Variants in PPP1R3F observed in about 807,000 individuals in gnomAD.
The protein encoded by PPP1R3F is protein phosphatase 1, regulatory (inhibitor) subunit 3F.
PPP1R3F carries 29 observed loss-of-function variants against 24.2 expected under a neutral mutation model. The ratio of observed to expected loss-of-function variants is 1.20; its 90% confidence interval spans 0.89 to 1.63. PPP1R3F has a LOEUF of 1.63. Ranked by LOEUF, PPP1R3F falls within the 40% of genes most tolerant of loss-of-function variation. The pLI, the probability that PPP1R3F is intolerant of heterozygous loss-of-function variation, is 0.00. For missense variants in PPP1R3F, 823 were observed against 729.3 expected, an observed-to-expected ratio of 1.13 and a Z score of -1.48; for synonymous variants, 363 against 340.1, an observed-to-expected ratio of 1.07 and a Z score of -0.74.
intron 3 of PPP1R3F, among the ~76,000 whole-genome samples, chrX:49,293,353 G>A (rs1360693204): frequency 8.9e-6 from 1 of 112,362 alleles, no homozygotes; most frequent in Non-Finnish European, 1.9e-5. Context: ...TGTTCGATTT[G>A]CTTTTTTGCC....
At chrX:49,285,085 G>A (rs1293972896) in intron 3 of PPP1R3F, among the ~76,000 whole-genome samples, 5 of 111,164 alleles carry the variant, frequency 4.5e-5, no homozygotes, top group African/African-American at 1.3e-4. Flanking sequence ...GACATAGTAA[G>A]TGTATATATT....
downstream of PPP1R3F, among the ~76,000 whole-genome samples, chrX:49,291,144 G>C (rs782459689): frequency 1.2e-4 from 13 of 110,831 alleles, no homozygotes; most frequent in Admixed American, 2.9e-4. Context: ...ATGCCACCAT[G>C]CCCAGCTAAT....
In PPP1R3F at chrX:49,270,004, G is replaced by T. The variant is rs782390857; in HGVS notation, c.135G>T (p.Gly45=). The T allele has an allele frequency of 3.9e-5, 36 of 923,470 alleles. No individual in the cohort carries two copies. The highest frequency in any genetic ancestry group is 4.7e-5 in the Non-Finnish European group (35 of 748,050). The allele number at this position is 923,470 out of a possible 1,213,427, so 76.1% of individuals were successfully genotyped here. The change falls in exon 1 of 4, where the codon GGG becomes GGT. Residue 45 remains glycine, a synonymous_variant. Coordinates refer to ENST00000055335, the MANE Select transcript of PPP1R3F (RefSeq NM_033215.5). Reference sequence around the variant, plus strand: ...TGCTGTTCGCCGACGAGGCCTTGGGGCTGCCGCTGGCGCAGTTGCGCCGCT... The same window carrying T: ...TGCTGTTCGCCGACGAGGCCTTGGGTCTGCCGCTGGCGCAGTTGCGCCGCT... ...RRVLFADEAL[G]LPLAQLRRYR...
chrX:49,271,433 A>G (rs2066179616), intron 1 of PPP1R3F, among the ~76,000 whole-genome samples: 1 of 112,644 alleles, frequency 8.9e-6, no homozygotes, highest in Non-Finnish European at 1.9e-5. Context: ...ATATGGAACA[A>G]GGGTGTTCTA....
intron 3 of PPP1R3F, among the ~76,000 whole-genome samples, chrX:49,294,061 A>G (rs928916625): frequency 8.9e-6 from 1 of 111,860 alleles, no homozygotes; most frequent in African/African-American, 3.2e-5. Context: ...CTTGATTGAT[A>G]CCATTTAAAA....
chrX:49,282,965 G>A (rs2066258929), intron 3 of PPP1R3F, among the ~76,000 whole-genome samples: 1 of 108,827 alleles, frequency 9.2e-6, no homozygotes, highest in Admixed American at 9.8e-5. Flanking sequence ...TGGTCCAGGC[G>A]AGAGTGATGG....
chrX:49,281,330 A>C, intron 1 of PPP1R3F, 76 bp from the exon 2 acceptor site: 2 of 771,624 alleles, frequency 2.6e-6, no homozygotes, highest in South Asian at 2.6e-5. Flanking sequence ...ACAGAGGCTC[A>C]GAAGGTGCCA....
chrX:49,279,299 TAGAAC>T (rs1251187780), intron 1 of PPP1R3F, among the ~76,000 whole-genome samples: 4 of 112,183 alleles, frequency 3.6e-5, no homozygotes, highest in African/African-American at 1.3e-4. Flanking sequence ...GTGAAGCACT[TAGAAC>T]AGTGTGTAAT....
chrX:49,282,822 G>A (rs1277952083), intron 3 of PPP1R3F, among the ~76,000 whole-genome samples: 3 of 109,750 alleles, frequency 2.7e-5, no homozygotes, highest in Non-Finnish European at 1.9e-5. Flanking sequence ...AGGGGGAGCC[G>A]CAAGAGCATT....
intron 1 of PPP1R3F, among the ~76,000 whole-genome samples, chrX:49,279,875 A>G (rs782654878): frequency 1.8e-5 from 2 of 112,225 alleles, no homozygotes; most frequent in South Asian, 7.5e-4. Flanking sequence ...ATGAGATGCC[A>G]CCCCTGGGAG....
chrX:49,277,912 T>A (rs1776330722), intron 1 of PPP1R3F, among the ~76,000 whole-genome samples: 1 of 111,970 alleles, frequency 8.9e-6, no homozygotes, highest in African/African-American at 3.2e-5. Context: ...GGGCCCATGG[T>A]GGAGGAGGTG....
In PPP1R3F at chrX:49,270,348, G is replaced by A; in HGVS notation, c.479G>A (p.Arg160His). 9 of 1,140,205 alleles carry A rather than the reference G, an allele frequency of 7.9e-6. No individual in the cohort carries two copies. Among genetic ancestry groups the A allele is most frequent in the Non-Finnish European group, 1.0e-5 (9 of 865,892 alleles). 94.0% of individuals were successfully genotyped at this position (1,140,205 alleles called of 1,213,427 possible). ...GGAGVWVPGG[R>H]PPVLRGLVRV... is the part of the protein sequence containing the mutation. ...GCCGGGGTGTGGGTGCCTGGGGGCCGCCCGCCGGTGCTGCGCGGGTTGGTA... is the reference window on the plus strand; with the variant it reads ...GCCGGGGTGTGGGTGCCTGGGGGCCACCCGCCGGTGCTGCGCGGGTTGGTA... Residue 160 changes from arginine to histidine, a missense_variant, in exon 1 of 4, where the codon CGC (arginine) becomes CAC (histidine). Physicochemically the swap from Arg to His is conservative, Grantham distance 29. Transcript: ENST00000055335.
chrX:49,297,285 C>T (rs2066325607), intron 3 of PPP1R3F, among the ~76,000 whole-genome samples: 1 of 108,673 alleles, frequency 9.2e-6, no homozygotes, highest in Non-Finnish European at 1.9e-5. Flanking sequence ...GCAATCTCGG[C>T]TCACTTCAAG....
At chrX:49,279,419 C>T (rs1393869511) in intron 1 of PPP1R3F, among the ~76,000 whole-genome samples, 1 of 112,084 alleles carries the variant, frequency 8.9e-6, no homozygotes, top group African/African-American at 3.2e-5. Context: ...CACGGTGGCT[C>T]ATGCCTGTAA....
downstream of PPP1R3F, among the ~76,000 whole-genome samples, chrX:49,289,977 G>A (rs1412978702): frequency 9.0e-6 from 1 of 111,213 alleles, no homozygotes; most frequent in Non-Finnish European, 1.9e-5. Flanking sequence ...GCTGAGGCGG[G>A]AGAATCACTA....
chrX:49,278,756 C>T lies in PPP1R3F; in HGVS notation c.1005-2650C>T, dbSNP rs73209790. ...GCCTCCTAGCCACGCATGTCCCAGG[C>T]CCATGGAGGTAGGGAAATGGGGAAT... On this transcript the variant is annotated intron_variant, in intron 1 of 3. Transcript: ENST00000055335. 5.8e-3 allele frequency among the ~76,000 whole-genome samples: 655 copies of T among 112,451 alleles called. 4 individuals are homozygous for T. Among genetic ancestry groups the T allele is most frequent in the Non-Finnish European group, 0.01 (539 of 53,282 alleles).
chrX:49,288,493 A>T (rs1284137584), downstream of PPP1R3F, among the ~76,000 whole-genome samples: 2 of 96,157 alleles, frequency 2.1e-5, no homozygotes, highest in African/African-American at 7.7e-5. Flanking sequence ...TGTGTAGATC[A>T]TGACACATTA....
chrX:49,277,235 C>T (rs1340779991), intron 1 of PPP1R3F, among the ~76,000 whole-genome samples: 2 of 112,949 alleles, frequency 1.8e-5, no homozygotes, highest in Admixed American at 9.3e-5. Context: ...CTTTCCAAAT[C>T]CTCACCCTCT....
intron 3 of PPP1R3F, among the ~76,000 whole-genome samples, chrX:49,294,908 CAAAAAAAA>C (rs58639270): frequency 1.3e-4 from 6 of 45,027 alleles, no homozygotes; most frequent in Non-Finnish European, 2.6e-4. Context: ...GAATATGTCT[CAAAAAAAA>C]AAAAAAAAAG....
Sources: gnomAD v4.1 joint callset for allele counts (sites outside exome capture counted in the v4.1 genomes callset) on GRCh38, gnomAD v4.1.1 for gene constraint, MANE v1.5 for transcripts, NCBI Gene and HGNC (gene_info 2026-07-23, HGNC 2026-07-21) for gene names.